DDX43: variants seen among roughly 807,000 people sequenced by gnomAD.
DDX43 encodes DEAD-box helicase 43.
A neutral mutation model predicts 84.9 loss-of-function variants in DDX43; 50 were observed. The observed-to-expected ratio is 0.59, with a 90% CI of 0.47 to 0.75. DDX43 has a LOEUF of 0.75. Among genes scored for constraint, DDX43 ranks in the 30% least tolerant of loss-of-function variants. The pLI, the probability that DDX43 is intolerant of heterozygous loss-of-function variation, is 0.00. For missense variants in DDX43, 689 were observed against 798.6 expected (o/e 0.86, Z 1.65); for synonymous variants, 291 against 266.3 (o/e 1.09, Z -0.90).
chr6:73,416,990 G>T (rs952081565), intron 16 of DDX43, among the ~76,000 whole-genome samples, 197 bp from the exon 17 acceptor site: 1 of 152,190 alleles, frequency 6.6e-6, no homozygotes, highest in Non-Finnish European at 1.5e-5. Flanking sequence ...AGTGAGGTGA[G>T]ATCGGGCCAC....
intron 13 of DDX43, 82 bp from the exon 14 acceptor site, chr6:73,414,466 T>C: frequency 8.6e-7 from 1 of 1,156,916 alleles, no homozygotes; most frequent in Non-Finnish European, 1.2e-6. Flanking sequence ...ATTGATTAAA[T>C]TAGTTAGGGC....
chr6:73,410,408 T>C (rs1020595599), intron 10 of DDX43, among the ~76,000 whole-genome samples: 9 of 152,086 alleles, frequency 5.9e-5, no homozygotes, highest in Non-Finnish European at 8.8e-5. Flanking sequence ...AGGTGATTCA[T>C]CTGTCTAGGC....
At chr6:73,405,386 A>C (rs947075867) in intron 5 of DDX43, among the ~76,000 whole-genome samples, 1 of 152,190 alleles carries the variant, frequency 6.6e-6, no homozygotes, top group Non-Finnish European at 1.5e-5. Flanking sequence ...TGTTTGCCAA[A>C]TCTGGTTTTA....
intron 11 of DDX43, 22 bp from the exon 12 acceptor site, chr6:73,413,636 C>T: frequency 6.2e-7 from 1 of 1,609,092 alleles, no homozygotes; most frequent in Non-Finnish European, 8.5e-7. Context: ...CCTTGATGAA[C>T]TATGTTCTTT....
At position 73,407,504 on chromosome 6, in the gene DDX43, G is replaced by T. The variant is rs866776820; in HGVS notation, c.927-1G>T. ...AATATTAATCTGTTTTCTCTCCAAA[G>T]CCTTAAAGGTCAAAGGAATAGACCC... On this transcript the variant is annotated splice_acceptor_variant, in intron 7 of 16. Coordinates refer to ENST00000370336, the MANE Select transcript of DDX43 (RefSeq NM_018665.3). LOFTEE classifies it high-confidence loss of function. 1.3e-6 allele frequency: 2 copies of T among 1,596,724 alleles called. No individual in the cohort carries two copies. The highest frequency in any genetic ancestry group is 2.2e-5 in the South Asian group (2 of 90,442).
chr6:73,406,342 A>G, intron 6 of DDX43, 22 bp from the exon 7 acceptor site: 1 of 1,538,316 alleles, frequency 6.5e-7, no homozygotes, highest in Non-Finnish European at 9.0e-7. Context: ...TTTTTGTGTT[A>G]ATGTTTATCA....
In DDX43 at chr6:73,405,850, A is replaced by G. The variant is rs752729631; in HGVS notation, c.807+15A>G. 8.1e-6 allele frequency: 13 copies of G among 1,609,774 alleles called. No individual in the cohort carries two copies. In the African/African-American group the frequency reaches 1.6e-4, roughly 20 times the overall value. ...CACCTATTCAGGTATGCTTTCATTA[A>G]TTACAATATTTCACTCAATGTTTTT... On this transcript the variant is annotated intron_variant, in intron 6 of 16. Coordinates refer to ENST00000370336, the MANE Select transcript of DDX43 (RefSeq NM_018665.3).
At chr6:73,395,184 G>C (rs1000760284) in intron 1 of DDX43, 29 bp downstream of exon 1, 1 of 1,579,426 alleles carries the variant, frequency 6.3e-7, no homozygotes, top group Non-Finnish European at 8.6e-7. Context: ...GGCAGGGCAG[G>C]ATAGGTGGGG....
intron 1 of DDX43, among the ~76,000 whole-genome samples, chr6:73,395,619 A>T (rs1393499645): frequency 7.5e-6 from 1 of 134,042 alleles, no homozygotes; most frequent in African/African-American, 2.9e-5. Flanking sequence ...GTCTCAATTA[A>T]AAAAAAAAAA....
intron 3 of DDX43, among the ~76,000 whole-genome samples, 178 bp downstream of exon 3, chr6:73,400,541 G>C (rs76142854): frequency 0.011 from 1,631 of 152,230 alleles, 33 homozygotes; most frequent in African/African-American, 0.038. Flanking sequence ...TAAAATACCA[G>C]AGCTCTATGT....
At position 73,413,921 on chromosome 6, in the gene DDX43, T is replaced by C. The variant is rs1211777315; in HGVS notation, c.1497-49T>C. 2.0e-6 allele frequency: 3 copies of C among 1,530,942 alleles called. No homozygotes were observed. The African/African-American group carries it at 4.1e-5, about 21-fold the overall frequency. The allele number at this position is 1,530,942 out of a possible 1,614,324, so 94.8% of individuals were successfully genotyped here. A position where few individuals can be genotyped will look rare whatever the true frequency, so the allele number is the denominator to read the frequency against. On this transcript the variant is annotated intron_variant, in intron 12 of 16. Coordinates refer to ENST00000370336, the MANE Select transcript of DDX43 (RefSeq NM_018665.3). The stretch of plus-strand genomic sequence containing the variant: ...TTTTTGCTAACAGAAGTAAAACTGG[T>C]GGCATTAGAATAAGCACCTAAGAAT...
In DDX43 at chr6:73,397,717, A is replaced by G. The variant is rs1235100319; in HGVS notation, c.279A>G (p.Ile93Met). The change falls in exon 2 of 17, where the codon ATA (isoleucine) becomes ATG (methionine). Residue 93 changes from isoleucine to methionine, a missense_variant. Physicochemically the swap from Ile to Met is conservative, Grantham distance 10. This residue lies in a region of DDX43 where 552 missense variants were observed against 692.7 expected (regional missense o/e 0.80). Coordinates refer to ENST00000370336, the MANE Select transcript of DDX43 (RefSeq NM_018665.3). The part of the protein sequence containing the change: ...IGRGGSKIKN[I>M]QSTTNTTIQI... ...GTGGTGGGTCAAAAATAAAGAATATACAAAGTACAACAAACACCACAATCC... is the reference window on the plus strand; with the variant it reads ...GTGGTGGGTCAAAAATAAAGAATATGCAAAGTACAACAAACACCACAATCC... 2.5e-6 allele frequency: 4 copies of G among 1,613,780 alleles called. No homozygotes were observed. Among genetic ancestry groups the G allele is most frequent in the Non-Finnish European group, 3.4e-6 (4 of 1,179,768 alleles).
rs1459683857 is a variant in DDX43 at position 73,417,384 on chromosome 6, C to T, written c.*223C>T. 6.6e-6 allele frequency: 1 copy of T among 152,084 alleles called. No individual in the cohort carries two copies. Among genetic ancestry groups the T allele is most frequent in the South Asian group, 2.1e-4 (1 of 4,826 alleles). The allele number at this position is 152,084 out of a possible 1,614,324, so 9.4% of individuals were successfully genotyped here. ...CCTGGATTTTTATTAAGGAGTGTAG[C>T]ATTAGAATGTTTTTCTTTTAATCTT... On this transcript the variant is annotated 3_prime_UTR_variant, in exon 17 of 17. Transcript: ENST00000370336.
In DDX43 at chr6:73,394,850, G is replaced by A; in HGVS notation, c.-56G>A. On this transcript the variant is annotated 5_prime_UTR_variant, in exon 1 of 17. Transcript: ENST00000370336. ...GGCACGCTACTCTTACGACGTCACG[G>A]TCAGGTGGTGCAGAGCTGGACGGCA... 1 of 1,590,794 alleles carries A rather than the reference G, an allele frequency of 6.3e-7. No homozygotes were observed. The highest frequency in any genetic ancestry group is 8.6e-7 in the Non-Finnish European group (1 of 1,167,962).
chr6:73,404,779 G>C lies in DDX43; in HGVS notation c.650+8G>C. 1 of 1,601,390 alleles carries C rather than the reference G, an allele frequency of 6.2e-7. No homozygotes were observed. Among genetic ancestry groups the C allele is most frequent in the Non-Finnish European group, 8.5e-7 (1 of 1,170,012 alleles). ...AGAAGCAGATAGTTGGAGGTGGGTA[G>C]TTTCATTACCTAGTTGTGTAAGTAT... On this transcript the variant is annotated splice_region_variant and intron_variant, in intron 5 of 16. Coordinates refer to ENST00000370336, the MANE Select transcript of DDX43 (RefSeq NM_018665.3).
At chr6:73,412,668 T>TGTGTGTGTGTGCGCGCGC (rs538597626) in intron 11 of DDX43, among the ~76,000 whole-genome samples, 37 of 108,462 alleles carry the variant, frequency 3.4e-4, no homozygotes, top group African/African-American at 1.3e-3. Context: ...TGTGTGTGTG[T>TGTGTGTGTGTGCGCGCGC]GCGCGCGCGC....
At position 73,407,997 on chromosome 6, in the gene DDX43, A is replaced by G; in HGVS notation, c.1075A>G (p.Ile359Val). ...TGGTGGTGGAAATAGAGATGAACAA[A>G]TAGAAGAGCTTAAAAAAGGTGTAGA... Reference protein sequence around the residue: ...VYGGGNRDEQIEELKKGVDII... With the variant: ...VYGGGNRDEQVEELKKGVDII... The change falls in exon 9 of 17, where the codon ATA (isoleucine) becomes GTA (valine). Residue 359 changes from isoleucine (I) to valine (V), a missense_variant. Coordinates refer to ENST00000370336, the MANE Select transcript of DDX43 (RefSeq NM_018665.3). The G allele has an allele frequency of 6.2e-7, 1 of 1,613,892 alleles. No individual in the cohort carries two copies.
At chr6:73,402,061 CTG>C (rs1769586305) in intron 4 of DDX43, 71 bp downstream of exon 4, 1 of 1,560,558 alleles carries the variant, frequency 6.4e-7, no homozygotes, top group Non-Finnish European at 8.7e-7. Context: ...TGTACAATGT[CTG>C]TGCTTTATTT....
At chr6:73,413,579 G>A (rs1769844532) in intron 11 of DDX43, 79 bp from the exon 12 acceptor site, 1 of 1,345,624 alleles carries the variant, frequency 7.4e-7, no homozygotes. Context: ...TGAGAGAGAA[G>A]ATGCATTTTG....
Sources: allele counts gnomAD v4.1 joint callset (sites outside exome capture counted in the v4.1 genomes callset), GRCh38; gene constraint gnomAD v4.1.1; regional missense constraint gnomAD v4.1.1; transcripts MANE v1.5; gene names NCBI Gene and HGNC (gene_info 2026-07-23, HGNC 2026-07-21).